Variants in MKLN1 observed in about 807,000 individuals in gnomAD.
MKLN1 encodes muskelin 1, also known as muskelin.
Under a neutral mutation model 99.0 loss-of-function variants are expected in MKLN1, and 18 were observed. The observed-to-expected ratio is 0.18, with a 90% confidence interval of 0.13 to 0.27. The LOEUF (loss-of-function observed/expected upper bound fraction) is 0.27, where lower values mean the gene tolerates loss of function less well. Ranked by LOEUF, MKLN1 falls within the 10% of genes least tolerant of loss-of-function variation. The pLI, the probability that MKLN1 is intolerant of heterozygous loss-of-function variation, is 1.00. For synonymous variants in MKLN1, 288 were observed against 293.2 expected, an observed-to-expected ratio of 0.98 and a Z score of 0.18; for missense variants, 621 against 875.9, an observed-to-expected ratio of 0.71 and a Z score of 3.67.
At chr7:131,378,236 C>T (rs1044253125) in intron 2 of MKLN1, among the ~76,000 whole-genome samples, 2 of 152,126 alleles carry the variant, frequency 1.3e-5, no homozygotes, top group African/African-American at 2.4e-5. Context: ...CTCAGCCTCC[C>T]GAGTAGCTGG....
chr7:131,481,747 G>A (rs1266694962), intron 17 of MKLN1, among the ~76,000 whole-genome samples: 6 of 137,986 alleles, frequency 4.3e-5, no homozygotes, highest in African/African-American at 1.6e-4. Flanking sequence ...AATTAGAATA[G>A]AAATAAAATG....
intron 3 of MKLN1, among the ~76,000 whole-genome samples, chr7:131,308,234 T>C (rs1282404545): frequency 3.9e-5 from 6 of 152,040 alleles, no homozygotes; most frequent in African/African-American, 1.2e-4. Context: ...ACACCTCTTT[T>C]CTTCTTAAAT....
At chr7:131,256,420 A>G (rs1797658661) in intron 3 of MKLN1, among the ~76,000 whole-genome samples, 1 of 152,254 alleles carries the variant, frequency 6.6e-6, no homozygotes, top group Non-Finnish European at 1.5e-5. Context: ...TAATTATAAA[A>G]GACACTATAT....
chr7:131,243,060 G>C (rs1239651548), intron 3 of MKLN1: 2 of 515,362 alleles, frequency 3.9e-6, no homozygotes, highest in Non-Finnish European at 7.3e-6. Flanking sequence ...GTTCACAGAT[G>C]GCCAAACTTT....
rs532713710 is a variant in MKLN1, at chr7:131,132,549, G to A, written c.-418-10271G>A. ...ATTCTCAGTTAGCTGGAGGGCTGTCGTATGGAAAAAAGTCTTCTTATACTT... is the reference window on the plus strand; with the variant it reads ...ATTCTCAGTTAGCTGGAGGGCTGTCATATGGAAAAAAGTCTTCTTATACTT... On this transcript the variant is annotated intron_variant, in intron 1 of 7. Transcript: ENST00000416992. Among the ~76,000 whole-genome samples, 11 of 152,270 alleles carry A rather than the reference G, an allele frequency of 7.2e-5. 1 individual carries two copies. The highest frequency in any genetic ancestry group is 2.1e-4 in the South Asian group (1 of 4,820).
intron 2 of MKLN1, among the ~76,000 whole-genome samples, chr7:131,144,534 A>G (rs960485079): frequency 8.6e-5 from 13 of 151,856 alleles, no homozygotes; most frequent in African/African-American, 2.2e-4. Context: ...AAAAATAGAG[A>G]TGAGGTTTTG....
intron 2 of MKLN1, among the ~76,000 whole-genome samples, chr7:131,161,784 C>A (rs1297898573): frequency 6.6e-6 from 1 of 151,896 alleles, no homozygotes; most frequent in African/African-American, 2.4e-5. Flanking sequence ...CGTGATCCGC[C>A]CGCCTCGGCC....
At chr7:131,153,269 T>C (rs911523228) in intron 2 of MKLN1, among the ~76,000 whole-genome samples, 2 of 152,172 alleles carry the variant, frequency 1.3e-5, no homozygotes, top group Admixed American at 6.5e-5. Context: ...AATTATAATT[T>C]GAACTCATTC....
At position 131,371,191 on chromosome 7, in the gene MKLN1, A is replaced by C. The variant is rs757400278; in HGVS notation, c.99-4233A>C. On this transcript the variant is annotated intron_variant, in intron 1 of 17. Coordinates refer to ENST00000352689, the MANE Select transcript of MKLN1 (RefSeq NM_013255.5). ...CTTGTATATGGCAACATTTAGGCCT[A>C]TGAAGATGTATCACCCAGTCCTTGT... Among the ~76,000 whole-genome samples, 42 of 152,144 alleles carry C rather than the reference A, an allele frequency of 2.8e-4. 1 individual carries two copies. The highest frequency in any genetic ancestry group is 5.7e-4 in the Non-Finnish European group (39 of 68,026).
chr7:131,159,038 A>T (rs191944716), intron 2 of MKLN1, among the ~76,000 whole-genome samples: 3,005 of 134,944 alleles, frequency 0.022, 95 homozygotes, highest in African/African-American at 0.084. Flanking sequence ...AAAAAAATTT[A>T]AAAAAAAATT....
In MKLN1 at chr7:131,203,181, C is replaced by T. The variant is rs56738655; in HGVS notation, c.-179+207C>T. The stretch of plus-strand genomic sequence containing the variant: ...TGTTTATAATTTAAACTCCCAAGTC[C>T]GAGCACTGTATTTTTAGGCAGGAGT... On this transcript the variant is annotated intron_variant, in intron 3 of 7. Transcript: ENST00000416992. Among the ~76,000 whole-genome samples the T allele has an allele frequency of 4.3e-3, 648 of 152,214 alleles. 3 individuals carry two copies. The highest frequency in any genetic ancestry group is 0.014 in the African/African-American group (590 of 41,528).
chr7:131,444,751 T>TAGA (rs1232477739), intron 11 of MKLN1, among the ~76,000 whole-genome samples: 4 of 61,406 alleles, frequency 6.5e-5, no homozygotes, highest in African/African-American at 1.3e-4. Flanking sequence ...GTAGTAGTAG[T>TAGA]AGTAGTAGAA....
chr7:131,282,349 CA>C (rs1001483569), intron 3 of MKLN1, among the ~76,000 whole-genome samples: 2,636 of 65,652 alleles, frequency 0.04, 43 homozygotes, highest in African/African-American at 0.11. Flanking sequence ...AACTCCGTCT[CA>C]AAAAAAAAAA....
intron 3 of MKLN1, among the ~76,000 whole-genome samples, chr7:131,283,636 T>C (rs556558608): frequency 1.3e-3 from 201 of 152,102 alleles, no homozygotes; most frequent in Non-Finnish European, 2.4e-3. Flanking sequence ...GGTTTCATGA[T>C]GTTGCTCAGG....
At chr7:131,401,502 G>A (rs2116262514) in intron 6 of MKLN1, among the ~76,000 whole-genome samples, 1 of 152,202 alleles carries the variant, frequency 6.6e-6, no homozygotes, top group South Asian at 2.1e-4. Context: ...ATAAGGGAAG[G>A]ATAAAGTTTA....
At chr7:131,210,750 G>GGGGAGGGA (rs1796890621) in intron 3 of MKLN1, among the ~76,000 whole-genome samples, 1 of 13,076 alleles carries the variant, frequency 7.6e-5, no homozygotes. Flanking sequence ...GGGAGGGAGG[G>GGGGAGGGA]AGGGAGGGGA....
intron 3 of MKLN1, among the ~76,000 whole-genome samples, chr7:131,312,012 TTTTG>T (rs201282707): frequency 0.042 from 6,427 of 151,900 alleles, 400 homozygotes; most frequent in African/African-American, 0.14. Context: ...TTTTTTTGTT[TTTTG>T]TTTGTTTGTT....
intron 10 of MKLN1, among the ~76,000 whole-genome samples, chr7:131,442,879 T>C (rs1002650270): frequency 2.0e-5 from 3 of 152,238 alleles, no homozygotes; most frequent in African/African-American, 7.2e-5. Flanking sequence ...AGTGTATAGC[T>C]TAATTCAAAG....
intron 6 of MKLN1, among the ~76,000 whole-genome samples, chr7:131,402,234 T>TTTATTTG (rs1794569868): frequency 1.3e-5 from 2 of 152,198 alleles, no homozygotes; most frequent in African/African-American, 4.8e-5. Context: ...GCAGTTTCCA[T>TTTATTTG]CTCAAGAAAC....
Sources: allele counts gnomAD v4.1 joint callset (sites outside exome capture counted in the v4.1 genomes callset), GRCh38; gene constraint gnomAD v4.1.1; transcripts MANE v1.5; gene names NCBI Gene and HGNC (gene_info 2026-07-23, HGNC 2026-07-21).